The following DENND2A variants were observed in gnomAD, a reference collection of about 807,000 sequenced individuals.
The protein encoded by DENND2A is DENN domain-containing protein 2A.
A neutral mutation model predicts 105.3 loss-of-function variants in DENND2A; 53 were observed. The ratio of observed to expected loss-of-function variants is 0.50; its 90% CI spans 0.40 to 0.63. DENND2A has a LOEUF of 0.63. DENND2A is among the 30% of genes least tolerant of loss of function. The pLI, the probability that DENND2A is intolerant of heterozygous loss-of-function variation, is 0.00. For missense variants in DENND2A, 1,138 were observed against 1,279.6 expected, an observed-to-expected ratio of 0.89 and a Z score of 1.69; for synonymous variants, 522 against 508.4, an observed-to-expected ratio of 1.03 and a Z score of -0.36.
At position 140,585,676 on chromosome 7, in the gene DENND2A, G is replaced by C. The variant is rs544674444; in HGVS notation, c.1158C>G (p.Ile386Met). Residue 386 changes from isoleucine (I) to methionine (M), a missense_variant, in exon 5 of 20, where the codon ATC becomes ATG. Physicochemically the swap from Ile to Met is conservative, Grantham distance 10. Coordinates refer to ENST00000496613, the MANE Select transcript of DENND2A (RefSeq NM_015689.5). ...TTCCCAGGCAGCGACCATGTAACTC[G>C]ATGTCCTCATAAGGGTTCTCCTTCA... Reference protein sequence around the residue: ...PPMKENPYEDIELHGRCLGKK... With the variant: ...PPMKENPYEDMELHGRCLGKK... The C allele has an allele frequency of 6.2e-7, 1 of 1,614,188 alleles. No homozygotes were observed. The highest frequency in any genetic ancestry group is 1.1e-5 in the South Asian group (1 of 91,082).
chr7:140,639,547 A>G (rs1400175049), intron 1 of DENND2A, among the ~76,000 whole-genome samples: 1 of 151,998 alleles, frequency 6.6e-6, no homozygotes, highest in Non-Finnish European at 1.5e-5. Flanking sequence ...TTGGTATCTG[A>G]TATTTGATGA....
chr7:140,537,213 T>C (rs1796483898), intron 14 of DENND2A, among the ~76,000 whole-genome samples: 1 of 152,204 alleles, frequency 6.6e-6, no homozygotes, highest in South Asian at 2.1e-4. Context: ...CATGGGATTC[T>C]CATTTAAGCT....
chr7:140,558,049 T>G, intron 11 of DENND2A, 94 bp downstream of exon 11: 2 of 961,538 alleles, frequency 2.1e-6, no homozygotes, highest in Middle Eastern at 2.3e-4. Context: ...TCAGGGAATC[T>G]CAGTCTCACG....
intron 1 of DENND2A, among the ~76,000 whole-genome samples, chr7:140,608,412 C>T (rs1305880959): frequency 6.6e-6 from 1 of 152,164 alleles, no homozygotes; most frequent in Non-Finnish European, 1.5e-5. Context: ...CATGGTAGCT[C>T]ACACCTGTAA....
chr7:140,560,560 G>C (rs953931457), intron 9 of DENND2A, among the ~76,000 whole-genome samples: 1 of 152,000 alleles, frequency 6.6e-6, no homozygotes, highest in Non-Finnish European at 1.5e-5. Context: ...GGGAGGCCAA[G>C]GTAGGAGGAT....
At chr7:140,583,992 A>G (rs269237) in intron 5 of DENND2A, among the ~76,000 whole-genome samples, 71,918 of 146,032 alleles carry the variant, frequency 0.49, 19,963 homozygotes, top group African/African-American at 0.71. Context: ...CTGTAATCCT[A>G]GCACTTTGGG....
intron 14 of DENND2A, among the ~76,000 whole-genome samples, chr7:140,533,663 G>A (rs1003101843): frequency 3.9e-5 from 6 of 152,222 alleles, no homozygotes; most frequent in Non-Finnish European, 7.3e-5. Context: ...GGCTTGATGC[G>A]AGAAATGATG....
chr7:140,580,243 A>G (rs764783687), intron 5 of DENND2A, among the ~76,000 whole-genome samples: 1 of 152,188 alleles, frequency 6.6e-6, no homozygotes, highest in Non-Finnish European at 1.5e-5. Flanking sequence ...TTATCATGTA[A>G]CCAGAAAAAC....
chr7:140,626,125 C>T (rs1179744594), intron 1 of DENND2A, among the ~76,000 whole-genome samples: 6 of 152,228 alleles, frequency 3.9e-5, no homozygotes, highest in Non-Finnish European at 5.9e-5. Context: ...AGGTGCCTAA[C>T]GCCTACAGGT....
chr7:140,638,473 G>A (rs1379844080), intron 1 of DENND2A, among the ~76,000 whole-genome samples: 1 of 152,120 alleles, frequency 6.6e-6, no homozygotes, highest in Non-Finnish European at 1.5e-5. Flanking sequence ...ATTCTGGCCT[G>A]GGTGTTGCAA....
Position 140,519,661 on chromosome 7 carries a change from C to A in DENND2A, c.2969G>T (p.Ser990Ile), listed in dbSNP as rs777857876. 1 of 1,614,040 alleles carries A rather than the reference C, an allele frequency of 6.2e-7. No individual in the cohort carries two copies. Among genetic ancestry groups the A allele is most frequent in the Non-Finnish European group, 8.5e-7 (1 of 1,180,040 alleles). The change falls in exon 19 of 20, where the codon AGC becomes ATC. Residue 990 changes from serine (S) to isoleucine (I), a missense_variant. Transcript: ENST00000496613. ...YLETLPSGEHSGVNKFLKGLG... is the reference protein window; with the variant it reads ...YLETLPSGEHIGVNKFLKGLG... ...TCCCTTCAGGAACTTATTGACACCG[C>A]TGTGCTCTCCACTGGGGAGTGTTTC...
intron 1 of DENND2A, among the ~76,000 whole-genome samples, chr7:140,635,384 C>T (rs1224694057): frequency 6.6e-6 from 1 of 151,976 alleles, no homozygotes; most frequent in Non-Finnish European, 1.5e-5. Context: ...TTTTAGAAGA[C>T]AAAACAACAA....
At chr7:140,576,625 CT>C (rs1798310340) in intron 5 of DENND2A, among the ~76,000 whole-genome samples, 1 of 152,184 alleles carries the variant, frequency 6.6e-6, no homozygotes, top group South Asian at 2.1e-4. Context: ...GTAGCAATAA[CT>C]TCAGAATCTT....
chr7:140,615,534 T>A (rs75824622), intron 1 of DENND2A, among the ~76,000 whole-genome samples: 1 of 120,220 alleles, frequency 8.3e-6, no homozygotes, highest in Admixed American at 9.3e-5. Context: ...GAGTTCTGCT[T>A]TTTTTTTTTT....
intron 1 of DENND2A, among the ~76,000 whole-genome samples, chr7:140,624,825 T>A (rs527580295): frequency 3.9e-4 from 59 of 151,978 alleles, no homozygotes; most frequent in Middle Eastern, 3.4e-3. Context: ...ATTATTAGGC[T>A]GTTGAGAGAT....
At position 140,565,871 on chromosome 7, in the gene DENND2A, C is replaced by T. The variant is rs142753544; in HGVS notation, c.1779+1215G>A. Among the ~76,000 whole-genome samples the T allele has an allele frequency of 2.7e-3, 408 of 152,256 alleles. 1 individual carries two copies. Among genetic ancestry groups the T allele is most frequent in the Non-Finnish European group, 3.9e-3 (263 of 68,018 alleles). Reference sequence around the variant, plus strand: ...AAAACCAAGATGGTGATGAGAGTGACCTCTGGTAGTCCTCACTGCTACACT... The same window carrying T: ...AAAACCAAGATGGTGATGAGAGTGATCTCTGGTAGTCCTCACTGCTACACT... On this transcript the variant is annotated intron_variant, in intron 9 of 19. Coordinates refer to ENST00000496613, the MANE Select transcript of DENND2A (RefSeq NM_015689.5).
At chr7:140,615,214 C>T (rs138953101) in intron 1 of DENND2A, among the ~76,000 whole-genome samples, 188 of 152,286 alleles carry the variant, frequency 1.2e-3, no homozygotes, top group Middle Eastern at 6.8e-3. Context: ...TAGGCCTATA[C>T]ATAACTTTAT....
chr7:140,575,977 AT>A (rs202125941), intron 5 of DENND2A, among the ~76,000 whole-genome samples: 15 of 150,994 alleles, frequency 9.9e-5, no homozygotes, highest in East Asian at 1.9e-4. Flanking sequence ...TCAAAAAAAA[AT>A]AAATAAATAA....
chr7:140,552,598 A>T (rs1160207639), intron 12 of DENND2A, among the ~76,000 whole-genome samples: 1 of 152,050 alleles, frequency 6.6e-6, no homozygotes, highest in Non-Finnish European at 1.5e-5. Flanking sequence ...GGGTTTCACC[A>T]TGTTGCCTAG....
Sources: gnomAD v4.1 joint callset for allele counts (sites outside exome capture counted in the v4.1 genomes callset) on GRCh38, gnomAD v4.1.1 for gene constraint, MANE v1.5 for transcripts, NCBI Gene and HGNC (gene_info 2026-07-23, HGNC 2026-07-21) for gene names.